AGBL4: variants seen among roughly 807,000 people sequenced by gnomAD.
AGBL4 encodes cytosolic carboxypeptidase 6.
Under a neutral mutation model 66.4 loss-of-function variants are expected in AGBL4, and 58 were observed. That is an observed-to-expected ratio of 0.87 (90% CI 0.71 to 1.09). The LOEUF is 1.09. Ranked by LOEUF, AGBL4 falls within the 50% of genes least tolerant of loss-of-function variation. The probability of loss-of-function intolerance (pLI) is 0.00; values close to 1 mark genes in which losing one functional copy is unlikely to be tolerated. For synonymous variants in AGBL4, 234 were observed against 222.9 expected (o/e 1.05, Z -0.44); for missense variants, 579 against 631.0 (o/e 0.92, Z 0.88).
chr1:49,164,174 C>T (rs1381299439), intron 4 of AGBL4, among the ~76,000 whole-genome samples: 2 of 151,970 alleles, frequency 1.3e-5, no homozygotes, highest in East Asian at 1.9e-4. Context: ...ATGTAAGGGT[C>T]GTGTAGGAGT....
At chr1:49,981,215 A>G (rs1262319894) in intron 1 of AGBL4, among the ~76,000 whole-genome samples, 2 of 152,208 alleles carry the variant, frequency 1.3e-5, no homozygotes, top group East Asian at 3.8e-4. Context: ...CGCTTGCTTT[A>G]TAAGTGTCTT....
chr1:49,282,235 T>C (rs1644289223), intron 3 of AGBL4, among the ~76,000 whole-genome samples: 1 of 150,374 alleles, frequency 6.7e-6, no homozygotes, highest in African/African-American at 2.5e-5. Context: ...ACTTTTTTTG[T>C]ATGTCTTACA....
intron 2 of AGBL4, among the ~76,000 whole-genome samples, chr1:49,784,851 A>G (rs531895179): frequency 2.3e-4 from 35 of 152,198 alleles, no homozygotes; most frequent in African/African-American, 8.4e-4. Context: ...GATATTCAAC[A>G]CAATTAGTGA....
At chr1:49,261,177 C>A (rs1653121688) in intron 3 of AGBL4, among the ~76,000 whole-genome samples, 1 of 151,524 alleles carries the variant, frequency 6.6e-6, no homozygotes, top group Non-Finnish European at 1.5e-5. Flanking sequence ...TAAGAGCTAT[C>A]TATGACAAAC....
chr1:48,984,317 A>C (rs1361935977), intron 5 of AGBL4, among the ~76,000 whole-genome samples: 1 of 151,566 alleles, frequency 6.6e-6, no homozygotes, highest in Non-Finnish European at 1.5e-5. Flanking sequence ...TAGAGGTAGG[A>C]CTAGGACTAG....
chr1:49,334,229 A>T (rs974226633), intron 3 of AGBL4, among the ~76,000 whole-genome samples: 1 of 152,186 alleles, frequency 6.6e-6, no homozygotes. Flanking sequence ...CTGAAGCATA[A>T]CAAAGTGAAA....
intron 1 of AGBL4, among the ~76,000 whole-genome samples, chr1:49,998,769 A>T (rs1475663857): frequency 6.6e-6 from 1 of 152,192 alleles, no homozygotes; most frequent in Non-Finnish European, 1.5e-5. Flanking sequence ...GGATGCAGGG[A>T]TGGTTTAACA....
At chr1:48,954,716 C>T (rs1657288785) in intron 5 of AGBL4, among the ~76,000 whole-genome samples, 1 of 152,190 alleles carries the variant, frequency 6.6e-6, no homozygotes, top group Admixed American at 6.5e-5. Flanking sequence ...CAATGTCCCT[C>T]TGATCCCACA....
chr1:49,503,561 T>C (rs1331282212), intron 3 of AGBL4, among the ~76,000 whole-genome samples: 1 of 152,090 alleles, frequency 6.6e-6, no homozygotes, highest in Non-Finnish European at 1.5e-5. Flanking sequence ...GCAGCCAGGA[T>C]GGATGCTGTA....
intron 2 of AGBL4, among the ~76,000 whole-genome samples, chr1:49,806,506 T>C (rs2147960246): frequency 6.6e-6 from 1 of 152,164 alleles, no homozygotes; most frequent in Admixed American, 6.5e-5. Flanking sequence ...AATTTAAAGA[T>C]GGAATTTTAA....
intron 11 of AGBL4, among the ~76,000 whole-genome samples, chr1:48,548,108 G>A (rs866782541): frequency 6.6e-6 from 1 of 152,244 alleles, no homozygotes; most frequent in African/African-American, 2.4e-5. Context: ...CTGTCTTTAT[G>A]GAGTTTAAAT....
chr1:49,258,871 G>T (rs1408660917), intron 3 of AGBL4, among the ~76,000 whole-genome samples: 3 of 152,108 alleles, frequency 2.0e-5, no homozygotes, highest in Non-Finnish European at 4.4e-5. Context: ...CACCAAAGTT[G>T]CAATGAAGTA....
In AGBL4 at chr1:49,471,272, T is replaced by C. The variant is rs1570798546; in HGVS notation, c.283-225408A>G. ...CAAGGAAGCTTAAAGGTATATCTAG[T>C]GTTTTATTTAAACACTAGATTTTTG... On this transcript the variant is annotated intron_variant, in intron 3 of 13. Transcript: ENST00000371839. Among the ~76,000 whole-genome samples, 3 of 152,146 alleles carry C rather than the reference T, an allele frequency of 2.0e-5. 1 individual carries two copies. The highest frequency in any genetic ancestry group is 2.0e-4 in the Admixed American group (3 of 15,278).
intron 3 of AGBL4, chr1:49,527,606 T>A (rs950571975): frequency 2.0e-5 from 3 of 152,654 alleles, no homozygotes; most frequent in African/African-American, 7.2e-5. Flanking sequence ...TAAGATTTCC[T>A]GTGAGAATAA....
At chr1:49,834,173 T>TG (rs1645780932) in intron 2 of AGBL4, among the ~76,000 whole-genome samples, 1 of 152,206 alleles carries the variant, frequency 6.6e-6, no homozygotes, top group African/African-American at 2.4e-5. Context: ...AGCTACTCTT[T>TG]GTACCTCTGG....
rs189554159 is a variant in AGBL4 at position 49,479,998 on chromosome 1, C to T, written c.282+217315G>A. ...CTGGTATTACAGGCGTGAGCCACGG[C>T]GCCCGGCTCACATTTTCTTTATCTA... On this transcript the variant is annotated intron_variant, in intron 3 of 13. Coordinates refer to ENST00000371839, the MANE Select transcript of AGBL4 (RefSeq NM_032785.4). Among the ~76,000 whole-genome samples, 33 of 152,156 alleles carry T rather than the reference C, an allele frequency of 2.2e-4. No homozygotes were observed. The East Asian group carries it at 2.3e-3, about 11-fold the overall frequency.
At chr1:49,740,511 G>A (rs1166844038) in intron 2 of AGBL4, among the ~76,000 whole-genome samples, 1 of 152,060 alleles carries the variant, frequency 6.6e-6, no homozygotes, top group African/African-American at 2.4e-5. Flanking sequence ...AGTTAACAAG[G>A]ATATCCAGGA....
intron 3 of AGBL4, among the ~76,000 whole-genome samples, chr1:49,254,889 C>T (rs186399241): frequency 6.6e-6 from 1 of 152,144 alleles, no homozygotes; most frequent in Admixed American, 6.6e-5. Flanking sequence ...CTTCAACAAA[C>T]CTGACAAAAA....
chr1:49,846,538 G>T, intron 2 of AGBL4: 1 of 550,148 alleles, frequency 1.8e-6, no homozygotes, highest in Non-Finnish European at 3.1e-6. Context: ...AAAGTGAAGA[G>T]ACAATCCACT....
Sources: allele counts gnomAD v4.1 joint callset (sites outside exome capture counted in the v4.1 genomes callset), GRCh38; gene constraint gnomAD v4.1.1; transcripts MANE v1.5; gene names NCBI Gene and HGNC (gene_info 2026-07-23, HGNC 2026-07-21).